The following SLC9C1 variants were observed in gnomAD, a reference collection of about 807,000 sequenced individuals.
The protein encoded by SLC9C1 is sodium/hydrogen exchanger 10.
A neutral mutation model predicts 140.9 loss-of-function variants in SLC9C1; 97 were observed. The observed-to-expected ratio is 0.69, with a 90% confidence interval of 0.58 to 0.82. The LOEUF (loss-of-function observed/expected upper bound fraction) is 0.82. Ranked by LOEUF, SLC9C1 falls within the 40% of genes least tolerant of loss-of-function variation. SLC9C1 has a pLI of 0.00. For missense variants in SLC9C1, 1,340 were observed against 1,389.3 expected, an observed-to-expected ratio of 0.96 and a Z score of 0.56; for synonymous variants, 440 against 442.6, an observed-to-expected ratio of 0.99 and a Z score of 0.07.
chr3:112,222,863 T>G (rs1300044458), intron 13 of SLC9C1, among the ~76,000 whole-genome samples: 1 of 152,120 alleles, frequency 6.6e-6, no homozygotes, highest in East Asian at 1.9e-4. Flanking sequence ...ATTTATTAAT[T>G]GCATAAAAAT....
At chr3:112,239,464 G>A (rs1168846038) in intron 12 of SLC9C1, among the ~76,000 whole-genome samples, 6 of 152,162 alleles carry the variant, frequency 3.9e-5, no homozygotes, top group African/African-American at 7.2e-5. Flanking sequence ...CCACTGTCCT[G>A]CATCCACTGT....
intron 28 of SLC9C1, among the ~76,000 whole-genome samples, chr3:112,143,511 T>G (rs1171053716): frequency 6.6e-6 from 1 of 152,218 alleles, no homozygotes. Flanking sequence ...CACTTTTTCA[T>G]GTTTGCTGGC....
intron 28 of SLC9C1, among the ~76,000 whole-genome samples, chr3:112,147,690 C>G (rs1576198655): frequency 6.6e-6 from 1 of 152,228 alleles, no homozygotes; most frequent in East Asian, 1.9e-4. Context: ...GTTATCTACC[C>G]TATTTCGCTG....
At chr3:112,289,143 G>A (rs895929169) in intron 1 of SLC9C1, among the ~76,000 whole-genome samples, 1 of 152,132 alleles carries the variant, frequency 6.6e-6, no homozygotes, top group Non-Finnish European at 1.5e-5. Flanking sequence ...TCTTGGTGAG[G>A]TTTTGTGAGA....
Position 112,183,344 on chromosome 3 carries a change from C to CTT in SLC9C1, c.2524-1088_2524-1087dup, listed in dbSNP as rs1159788975. ...AGCTTACGACAATGATATTTAGCAC[C>CTT]TTTTCTTTTTTTTTTTTTTTTTTTT... On this transcript the variant is annotated intron_variant, in intron 20 of 28. Coordinates refer to ENST00000305815, the MANE Select transcript of SLC9C1 (RefSeq NM_183061.3). Among the ~76,000 whole-genome samples the CTT allele has an allele frequency of 2.8e-3, 58 of 20,940 alleles. 1 individual carries two copies. The highest frequency in any genetic ancestry group is 3.5e-3 in the Non-Finnish European group (43 of 12,292). The allele number at this position is 20,940 out of a possible 152,430, so 13.7% of individuals were successfully genotyped here. A position where few individuals can be genotyped will look rare whatever the true frequency, so the allele number is the denominator to read the frequency against.
At position 112,278,776 on chromosome 3, in the gene SLC9C1, T is replaced by C. The variant is rs1388361574; in HGVS notation, c.271A>G (p.Thr91Ala). The change falls in exon 4 of 29, where the codon ACT becomes GCT. Residue 91 changes from threonine to alanine, a missense_variant. Physicochemically the swap from Thr to Ala is moderately conservative, Grantham distance 58. Coordinates refer to ENST00000305815, the MANE Select transcript of SLC9C1 (RefSeq NM_183061.3). ...ATGTACGTATCCATGTCAAATGCAGTAGTAAAGAAAACTACTGGTGTAAAT... is the reference window on the plus strand; with the variant it reads ...ATGTACGTATCCATGTCAAATGCAGCAGTAAAGAAAACTACTGGTGTAAAT... ...RIFTPVVFFT[T>A]AFDMDTYMLQ... The C allele has an allele frequency of 2.5e-6, 4 of 1,610,988 alleles. No homozygotes were observed. In the East Asian group the frequency reaches 8.9e-5, roughly 36 times the overall value.
At position 112,159,321 on chromosome 3, in the gene SLC9C1, A is replaced by G. The variant is rs996405239; in HGVS notation, c.3365-4272T>C. On this transcript the variant is annotated intron_variant, in intron 26 of 28. Transcript: ENST00000305815. ...TTTAAAAAAACTTTCATAGTTTCCA[A>G]AGTTCCTCCTCTGATTGATTTCTGG... is the stretch of plus-strand genomic sequence containing the variant. Among the ~76,000 whole-genome samples, 13 of 151,822 alleles carry G rather than the reference A, an allele frequency of 8.6e-5. 1 individual carries two copies. The highest frequency in any genetic ancestry group is 2.9e-5 in the Non-Finnish European group (2 of 67,906).
intron 20 of SLC9C1, among the ~76,000 whole-genome samples, chr3:112,183,370 T>TTTTTTTTTTC (rs1560039720): frequency 1.6e-5 from 2 of 128,844 alleles, no homozygotes; most frequent in Non-Finnish European, 3.3e-5. Flanking sequence ...TTTTTTTTTT[T>TTTTTTTTTTC]CAGCCAATCA....
At chr3:112,234,290 G>C (rs1038392000) in intron 12 of SLC9C1, among the ~76,000 whole-genome samples, 2 of 152,216 alleles carry the variant, frequency 1.3e-5, no homozygotes, top group African/African-American at 4.8e-5. Flanking sequence ...CTTTTGAGAA[G>C]TGTCTGTTCA....
chr3:112,165,289 A>G lies in SLC9C1; in HGVS notation c.3364+1932T>C, dbSNP rs564213018. Among the ~76,000 whole-genome samples, 222 of 152,276 alleles carry G rather than the reference A, an allele frequency of 1.5e-3. 1 individual carries two copies. The highest frequency in any genetic ancestry group is 5.1e-3 in the African/African-American group (213 of 41,554). On this transcript the variant is annotated intron_variant, in intron 26 of 28. Transcript: ENST00000305815. ...TCTCAACTCGTCAAAGTCATTCTCC[A>G]TCCAGCTTTGTTCCATTGCTGGTGA...
At chr3:112,239,531 C>T (rs906580108) in intron 12 of SLC9C1, among the ~76,000 whole-genome samples, 1 of 152,202 alleles carries the variant, frequency 6.6e-6, no homozygotes, top group Middle Eastern at 3.2e-3. Flanking sequence ...AGAAATCACC[C>T]GTCTTCTGCA....
At chr3:112,161,537 T>C (rs1220055529) in intron 26 of SLC9C1, among the ~76,000 whole-genome samples, 11 of 152,302 alleles carry the variant, frequency 7.2e-5, no homozygotes, top group Middle Eastern at 3.4e-3. Flanking sequence ...AATCCTTTCC[T>C]CATTGCTTAT....
At chr3:112,149,586 C>A (rs2074901030) in intron 28 of SLC9C1, among the ~76,000 whole-genome samples, 1 of 152,108 alleles carries the variant, frequency 6.6e-6, no homozygotes, top group South Asian at 2.1e-4. Context: ...GAGAGCCCTG[C>A]TGCACCACAA....
intron 20 of SLC9C1, among the ~76,000 whole-genome samples, chr3:112,192,602 G>T (rs1328063286): frequency 6.6e-6 from 1 of 151,746 alleles, no homozygotes; most frequent in Non-Finnish European, 1.5e-5. Context: ...CAGAAGACTT[G>T]TCTTCAAGTG....
At chr3:112,228,968 T>C (rs1227387846) in intron 13 of SLC9C1, among the ~76,000 whole-genome samples, 1 of 152,138 alleles carries the variant, frequency 6.6e-6, no homozygotes, top group Non-Finnish European at 1.5e-5. Context: ...GTCGTATATT[T>C]ACACAACAGA....
chr3:112,214,340 G>A (rs187003244), intron 15 of SLC9C1, among the ~76,000 whole-genome samples: 7 of 152,074 alleles, frequency 4.6e-5, no homozygotes, highest in Admixed American at 3.9e-4. Flanking sequence ...CTAGCAGAAG[G>A]CAAGAAATAA....
At chr3:112,261,176 T>C (rs968507820) in intron 10 of SLC9C1, among the ~76,000 whole-genome samples, 4 of 152,102 alleles carry the variant, frequency 2.6e-5, no homozygotes, top group Non-Finnish European at 5.9e-5. Flanking sequence ...GCTTCATATA[T>C]TTTAAACATT....
At chr3:112,173,244 A>G (rs760148089) in intron 23 of SLC9C1, among the ~76,000 whole-genome samples, 8 of 152,218 alleles carry the variant, frequency 5.3e-5, no homozygotes, top group Non-Finnish European at 7.3e-5. Context: ...AAAAAGTTCT[A>G]GTCCTTAAGT....
intron 27 of SLC9C1, among the ~76,000 whole-genome samples, chr3:112,154,124 A>G (rs976860931): frequency 2.0e-5 from 3 of 152,220 alleles, no homozygotes; most frequent in Admixed American, 2.0e-4. Context: ...TAGTGCTAAT[A>G]GAACAAATAG....
Sources: allele counts gnomAD v4.1 joint callset (sites outside exome capture counted in the v4.1 genomes callset), GRCh38; gene constraint gnomAD v4.1.1; transcripts MANE v1.5; gene names NCBI Gene and HGNC (gene_info 2026-07-23, HGNC 2026-07-21).